Variants in ABCA12 observed in about 807,000 individuals in gnomAD.
ABCA12 encodes the protein ATP binding cassette subfamily A member 12.
In ABCA12, 156 loss-of-function variants were observed where a neutral mutation model predicts 293.5. That is an observed-to-expected ratio of 0.53 (90% confidence interval 0.47 to 0.61). The LOEUF (loss-of-function observed/expected upper bound fraction) is 0.61, where lower values mean the gene tolerates loss of function less well. Ranked by LOEUF, ABCA12 falls within the 20% of genes least tolerant of loss-of-function variation. The pLI is 0.00. For synonymous variants in ABCA12, 1,063 were observed against 1,108.0 expected (o/e 0.96, Z 0.81); for missense variants, 2,797 against 3,090.2 (o/e 0.91, Z 2.25).
intron 2 of ABCA12, among the ~76,000 whole-genome samples, chr2:215,077,051 G>A (rs1218906194): frequency 6.6e-6 from 1 of 152,146 alleles, no homozygotes; most frequent in Non-Finnish European, 1.5e-5. Flanking sequence ...GAGGCAGGAA[G>A]GGAGGGAGAA....
intron 22 of ABCA12, 144 bp downstream of exon 22, chr2:215,000,561 G>A (rs1700122575): frequency 3.5e-6 from 3 of 858,324 alleles, no homozygotes; most frequent in Non-Finnish European, 3.7e-6. Context: ...ATGCCCTATA[G>A]TGTGAACTCT....
At chr2:215,099,984 A>G (rs1702322144) in intron 2 of ABCA12, among the ~76,000 whole-genome samples, 2 of 151,384 alleles carry the variant, frequency 1.3e-5, no homozygotes, top group African/African-American at 4.9e-5. Flanking sequence ...TCAAAACCCT[A>G]CATGATGAAA....
At chr2:214,934,658 C>A (rs1167872397) in intron 51 of ABCA12, among the ~76,000 whole-genome samples, 1 of 152,136 alleles carries the variant, frequency 6.6e-6, no homozygotes, top group Non-Finnish European at 1.5e-5. Context: ...ACTTCAAAAG[C>A]ATTGAAGCTC....
chr2:215,087,004 G>A (rs373192336), intron 2 of ABCA12, among the ~76,000 whole-genome samples: 109 of 151,800 alleles, frequency 7.2e-4, no homozygotes, highest in Non-Finnish European at 1.3e-3. Flanking sequence ...GTGCAATGGC[G>A]CAATCTTGGC....
rs1397056136 is a variant in ABCA12 at position 214,974,921 on chromosome 2, A to G, written c.5382-57T>C. On this transcript the variant is annotated intron_variant, in intron 34 of 52. Transcript: ENST00000272895. ...GATTTTTCTACTAGTCTCCCATATT[A>G]AAATCATGCTTGAAGAAATGAAATG... 7.0e-6 allele frequency: 10 copies of G among 1,426,856 alleles called. No individual in the cohort carries two copies. In the East Asian group the frequency reaches 1.8e-4, roughly 26 times the overall value. 88.4% of individuals were successfully genotyped at this position (1,426,856 alleles called of 1,614,324 possible).
At chr2:214,985,413 G>A (rs1574963004) in intron 28 of ABCA12, among the ~76,000 whole-genome samples, 1 of 152,128 alleles carries the variant, frequency 6.6e-6, no homozygotes, top group Non-Finnish European at 1.5e-5. Context: ...GAGGGTGGAG[G>A]GTGGGAGGAA....
chr2:214,972,776 T>A (rs192794280), intron 36 of ABCA12, among the ~76,000 whole-genome samples: 100 of 152,210 alleles, frequency 6.6e-4, no homozygotes, highest in African/African-American at 2.3e-3. Context: ...TCCTGTGAAC[T>A]AAAGAAATAC....
At chr2:215,016,838 T>G (rs1451213702) in intron 14 of ABCA12, among the ~76,000 whole-genome samples, 6 of 152,112 alleles carry the variant, frequency 3.9e-5, no homozygotes, top group Admixed American at 3.3e-4. Context: ...TCATCTTTAT[T>G]GCCACCGAGT....
At chr2:215,022,240 T>G (rs1337441787) in intron 11 of ABCA12, 1 of 152,206 alleles carries the variant, frequency 6.6e-6, no homozygotes, top group Non-Finnish European at 1.5e-5. Flanking sequence ...TGTACATATG[T>G]GGGAAACCAG....
intron 34 of ABCA12, 33 bp from the exon 35 acceptor site, chr2:214,974,897 A>G: frequency 6.5e-7 from 1 of 1,541,422 alleles, no homozygotes. Context: ...CAAATTCATG[A>G]TTTTTCTACT....
At chr2:215,079,800 C>T (rs4456708) in intron 2 of ABCA12, among the ~76,000 whole-genome samples, 7,114 of 152,194 alleles carry the variant, frequency 0.047, 567 homozygotes, top group African/African-American at 0.16. Flanking sequence ...TGAACAGAAG[C>T]GTTCAATTCC....
chr2:215,083,195 T>A (rs1450390328), intron 2 of ABCA12, among the ~76,000 whole-genome samples: 2 of 152,226 alleles, frequency 1.3e-5, no homozygotes, highest in Non-Finnish European at 2.9e-5. Flanking sequence ...TACTGAGATG[T>A]GTAAGATACT....
rs954859293 is a variant in ABCA12 at position 214,954,031 on chromosome 2, A to T, written c.6470T>A (p.Ile2157Asn). 1.2e-6 allele frequency: 2 copies of T among 1,613,966 alleles called. No individual in the cohort carries two copies. Among genetic ancestry groups the T allele is most frequent in the Non-Finnish European group, 1.7e-6 (2 of 1,179,996 alleles). The stretch of plus-strand genomic sequence containing the variant: ...GACCGACTGTTGTTGAGAAAGTTCA[A>T]TCAAACCGTAGCCAAAACAGAATTG... ...FPQFCFGYGL[I>N]ELSQQQSVLD... The change falls in exon 44 of 53, where the codon ATT becomes AAT. Residue 2157 changes from isoleucine to asparagine, a missense_variant. Transcript: ENST00000272895.
At chr2:214,949,871 A>C (rs1442138115) in intron 45 of ABCA12, among the ~76,000 whole-genome samples, 1 of 152,204 alleles carries the variant, frequency 6.6e-6, no homozygotes, top group Non-Finnish European at 1.5e-5. Context: ...GCTGTGTGGT[A>C]GGACCTGTTG....
intron 19 of ABCA12, among the ~76,000 whole-genome samples, chr2:215,007,304 G>A (rs1041493722): frequency 1.3e-5 from 2 of 152,180 alleles, no homozygotes; most frequent in Non-Finnish European, 2.9e-5. Flanking sequence ...TAACACATGT[G>A]TCATAAATTT....
At chr2:214,949,205 G>T in intron 45 of ABCA12, 56 bp from the exon 46 acceptor site, 1 of 1,224,650 alleles carries the variant, frequency 8.2e-7, no homozygotes, top group South Asian at 1.2e-5. Flanking sequence ...ATGAGACATT[G>T]CTTTTGTATC....
At chr2:215,104,562 A>G (rs1054605924) in intron 2 of ABCA12, among the ~76,000 whole-genome samples, 1 of 152,140 alleles carries the variant, frequency 6.6e-6, no homozygotes, top group African/African-American at 2.4e-5. Flanking sequence ...GGTCCCAATC[A>G]AATCCCAATT....
At chr2:215,012,580 A>G (rs932789582) in intron 15 of ABCA12, among the ~76,000 whole-genome samples, 1 of 152,208 alleles carries the variant, frequency 6.6e-6, no homozygotes, top group Non-Finnish European at 1.5e-5. Flanking sequence ...ATATCTTTTT[A>G]AAAAGGCAAA....
chr2:214,960,072 T>C (rs1332011772), intron 39 of ABCA12, among the ~76,000 whole-genome samples: 2 of 152,128 alleles, frequency 1.3e-5, no homozygotes, highest in Non-Finnish European at 2.9e-5. Context: ...TTATAGATGA[T>C]TCTAAAGGCA....
Sources: gnomAD v4.1 joint callset for allele counts (sites outside exome capture counted in the v4.1 genomes callset) on GRCh38, gnomAD v4.1.1 for gene constraint, MANE v1.5 for transcripts, NCBI Gene and HGNC (gene_info 2026-07-23, HGNC 2026-07-21) for gene names.